DNAH6: variants seen among roughly 807,000 people sequenced by gnomAD.
DNAH6 encodes dynein axonemal heavy chain 6, also known as axonemal beta dynein heavy chain 6.
DNAH6 carries 340 observed loss-of-function variants against 491.4 expected under a neutral mutation model. The observed-to-expected ratio is 0.69, with a 90% CI of 0.63 to 0.76. The LOEUF is 0.76. Among genes scored for constraint, DNAH6 ranks in the 30% least tolerant of loss-of-function variants. The pLI, the probability that DNAH6 is intolerant of heterozygous loss-of-function variation, is 0.00. For synonymous variants in DNAH6, 1,603 were observed against 1,686.1 expected (o/e 0.95, Z 1.21); for missense variants, 4,443 against 4,972.2 (o/e 0.89, Z 3.20).
At position 84,624,333 on chromosome 2, in the gene DNAH6, A is replaced by G; in HGVS notation, c.4140A>G (p.Ala1380=). Reference sequence around the variant, plus strand: ...AATTACACAGAAACATCCTAACTGCATTGATTACTATTGATGTGCATGCAA... The same window carrying G: ...AATTACACAGAAACATCCTAACTGCGTTGATTACTATTGATGTGCATGCAA... The part of the protein sequence containing the change: ...LPKLHRNILT[A]LITIDVHARD... Residue 1380 remains alanine (A), a synonymous_variant, in exon 27 of 77, where the codon GCA becomes GCG. Transcript: ENST00000389394. 1 of 1,551,386 alleles carries G rather than the reference A, an allele frequency of 6.4e-7. No individual in the cohort carries two copies. The highest frequency in any genetic ancestry group is 8.7e-7 in the Non-Finnish European group (1 of 1,146,758).
intron 11 of DNAH6, among the ~76,000 whole-genome samples, chr2:84,572,601 T>C (rs1682006651): frequency 6.6e-6 from 1 of 152,220 alleles, no homozygotes; most frequent in African/African-American, 2.4e-5. Flanking sequence ...AATGTAAACA[T>C]ACAGGGTGTG....
At chr2:84,616,794 C>T (rs1286474456) in intron 22 of DNAH6, 92 bp from the exon 23 acceptor site, 7 of 561,992 alleles carry the variant, frequency 1.2e-5, no homozygotes, top group Non-Finnish European at 2.1e-5. Context: ...GGAGAAGATT[C>T]ATAAATTGAT....
intron 15 of DNAH6, 196 bp downstream of exon 15, chr2:84,584,446 T>C (rs1683342193): frequency 1.7e-6 from 1 of 585,388 alleles, no homozygotes; most frequent in Non-Finnish European, 2.9e-6. Flanking sequence ...TCATTTTTTG[T>C]GGTGAGAATA....
intron 62 of DNAH6, 82 bp downstream of exon 62, chr2:84,733,661 C>T: frequency 7.8e-7 from 1 of 1,278,252 alleles, no homozygotes; most frequent in Non-Finnish European, 1.1e-6. Flanking sequence ...TTAACCTCTT[C>T]TGTAATGTCA....
intron 35 of DNAH6, among the ~76,000 whole-genome samples, chr2:84,656,359 C>G (rs1229106741): frequency 6.6e-6 from 1 of 152,106 alleles, no homozygotes; most frequent in Non-Finnish European, 1.5e-5. Flanking sequence ...TTGTAAGAAA[C>G]TGTCAAGACT....
At chr2:84,789,051 G>A (rs1677486897) in intron 68 of DNAH6, among the ~76,000 whole-genome samples, 1 of 152,130 alleles carries the variant, frequency 6.6e-6, no homozygotes, top group African/African-American at 2.4e-5. Flanking sequence ...AAGCTTGTGT[G>A]GAAGAAAGGC....
chr2:84,553,409 CTT>C, intron 10 of DNAH6, among the ~76,000 whole-genome samples: 1 of 136,132 alleles, frequency 7.3e-6, no homozygotes, highest in Non-Finnish European at 1.6e-5. Flanking sequence ...TTCTTTCTTT[CTT>C]TCTTTCTTTC....
Position 84,722,804 on chromosome 2 carries a change from G to C in DNAH6, c.9972G>C (p.Gln3324His), listed in dbSNP as rs1698284801. The C allele has an allele frequency of 3.4e-6, 5 of 1,461,794 alleles. No homozygotes were observed. The highest frequency in any genetic ancestry group is 4.5e-6 in the Non-Finnish European group (5 of 1,102,708). 90.6% of individuals were successfully genotyped at this position (1,461,794 alleles called of 1,614,324 possible). The change falls in exon 60 of 77, where the codon CAG (glutamine) becomes CAC (histidine). Residue 3324 changes from glutamine to histidine, a missense_variant and splice_region_variant. By Grantham distance (24) the Gln-to-His change is conservative (BLOSUM62 0). Around this residue, in one of 3 missense-constraint regions of DNAH6, gnomAD observed 1,463 missense variants for 1,656.6 expected, o/e 0.88. Coordinates refer to ENST00000389394, the MANE Select transcript of DNAH6 (RefSeq NM_001370.2). ...AGTACTCATTAAAATACTTTAAACA[G>C]GTAAGTGTGTTCATGTTGTTAATGA... is the stretch of plus-strand genomic sequence containing the variant. The part of the protein sequence containing the change: ...MYQYSLKYFK[Q>H]LFNTTIETSV...
the DNAH6 span, among the ~76,000 whole-genome samples, chr2:84,474,856 C>A: frequency 3.9e-5 from 6 of 152,286 alleles, no homozygotes; most frequent in African/African-American, 1.4e-4. Context: ...CCTTCAAAAT[C>A]TTTTCCCTCA....
intron 22 of DNAH6, among the ~76,000 whole-genome samples, chr2:84,613,342 C>T (rs1052114074): frequency 6.6e-6 from 1 of 152,056 alleles, no homozygotes; most frequent in African/African-American, 2.4e-5. Context: ...GAAGCCAATG[C>T]GAGCTGAAGT....
chr2:84,551,975 G>A (rs1439128249), intron 9 of DNAH6, among the ~76,000 whole-genome samples: 1 of 150,990 alleles, frequency 6.6e-6, no homozygotes, highest in Non-Finnish European at 1.5e-5. Context: ...TTCAACCCAG[G>A]AGATGGAGGT....
chr2:84,567,016 G>T (rs1681272239), intron 11 of DNAH6, among the ~76,000 whole-genome samples: 1 of 151,996 alleles, frequency 6.6e-6, no homozygotes, highest in African/African-American at 2.4e-5. Context: ...TGTAAGTAAA[G>T]ATGGACAAAT....
At chr2:84,758,722 G>A (rs1050400404) in intron 63 of DNAH6, among the ~76,000 whole-genome samples, 4 of 152,038 alleles carry the variant, frequency 2.6e-5, no homozygotes, top group African/African-American at 7.2e-5. Context: ...ACTCAGAAAA[G>A]CATTGATAAA....
At chr2:84,801,737 A>G (rs1678937638) in intron 70 of DNAH6, among the ~76,000 whole-genome samples, 1 of 152,130 alleles carries the variant, frequency 6.6e-6, no homozygotes. Context: ...ACAAAAAATT[A>G]GCTGGACGTG....
At chr2:84,736,815 A>G (rs1699572019) in intron 62 of DNAH6, among the ~76,000 whole-genome samples, 1 of 151,684 alleles carries the variant, frequency 6.6e-6, no homozygotes, top group African/African-American at 2.4e-5. Flanking sequence ...CTGTTTGGAT[A>G]AATTTCTTTC....
At chr2:84,605,352 CAAAAAAA>C in intron 19 of DNAH6, 141 bp from the exon 20 acceptor site, 4 of 336,206 alleles carry the variant, frequency 1.2e-5, no homozygotes, top group Non-Finnish European at 2.1e-5. Context: ...GACTCTATCT[CAAAAAAA>C]AAAAAAAAAA....
chr2:84,482,968 C>CT, the DNAH6 span, among the ~76,000 whole-genome samples: 1 of 128,550 alleles, frequency 7.8e-6, no homozygotes, highest in African/African-American at 2.9e-5. Context: ...TTTTTTTTTT[C>CT]TTTTTTGAGA....
chr2:84,672,323 C>A lies in DNAH6; in HGVS notation c.6455-4C>A. ...CTTAAATTAAATTCATTTTATTTCCCTAGGAGCACCGGGAAACAAACGAAT... is the reference window on the plus strand; with the variant it reads ...CTTAAATTAAATTCATTTTATTTCCATAGGAGCACCGGGAAACAAACGAAT... On this transcript the variant is annotated splice_region_variant and splice_polypyrimidine_tract_variant and intron_variant, in intron 39 of 76. Coordinates refer to ENST00000389394, the MANE Select transcript of DNAH6 (RefSeq NM_001370.2). The A allele has an allele frequency of 1.3e-6, 2 of 1,544,674 alleles. No homozygotes were observed. Among genetic ancestry groups the A allele is most frequent in the South Asian group, 2.4e-5 (2 of 82,046 alleles).
At chr2:84,751,509 C>T (rs1573698438) in intron 63 of DNAH6, among the ~76,000 whole-genome samples, 1 of 152,312 alleles carries the variant, frequency 6.6e-6, no homozygotes, top group African/African-American at 2.4e-5. Context: ...ATTTCAAAAA[C>T]TCTTAGTAAG....
Sources: allele counts gnomAD v4.1 joint callset (sites outside exome capture counted in the v4.1 genomes callset), GRCh38; gene constraint gnomAD v4.1.1; regional missense constraint gnomAD v4.1.1; transcripts MANE v1.5; gene names NCBI Gene and HGNC (gene_info 2026-07-23, HGNC 2026-07-21).